Variants in MLLT3 observed in about 807,000 individuals in gnomAD.
The protein encoded by MLLT3 is MLLT3 super elongation complex subunit.
A neutral mutation model predicts 53.2 loss-of-function variants in MLLT3; 4 were observed. The ratio of observed to expected loss-of-function variants is 0.08; its 90% CI spans 0.04 to 0.17. The LOEUF is 0.17. Ranked by LOEUF, MLLT3 falls within the 10% of genes least tolerant of loss-of-function variation. MLLT3 has a pLI of 1.00. For missense variants in MLLT3, 569 were observed against 684.0 expected (o/e 0.83, Z 1.87); for synonymous variants, 283 against 230.6 (o/e 1.23, Z -2.06).
At chr9:20,460,132 T>G (rs1188122232) in intron 2 of MLLT3, among the ~76,000 whole-genome samples, 1 of 152,198 alleles carries the variant, frequency 6.6e-6, no homozygotes, top group Non-Finnish European at 1.5e-5. Flanking sequence ...TTTAAACAAG[T>G]AGAACCATGT....
chr9:20,351,682 T>C (rs1821033401), intron 10 of MLLT3, among the ~76,000 whole-genome samples: 1 of 152,206 alleles, frequency 6.6e-6, no homozygotes, highest in African/African-American at 2.4e-5. Context: ...AGGACCTAGA[T>C]GTGATCCTGG....
chr9:20,498,581 C>A (rs894920218), intron 2 of MLLT3, among the ~76,000 whole-genome samples: 5 of 152,146 alleles, frequency 3.3e-5, no homozygotes, highest in Non-Finnish European at 7.4e-5. Context: ...GCTTTCAATG[C>A]GGCCCAACAC....
chr9:20,471,414 T>G (rs1320379134), intron 2 of MLLT3, among the ~76,000 whole-genome samples: 3 of 152,058 alleles, frequency 2.0e-5, no homozygotes, highest in South Asian at 4.2e-4. Context: ...CTTCCACCTA[T>G]GCGTACTTTC....
chr9:20,373,301 A>G (rs1338890205), intron 5 of MLLT3, among the ~76,000 whole-genome samples: 1 of 152,238 alleles, frequency 6.6e-6, no homozygotes, highest in Non-Finnish European at 1.5e-5. Flanking sequence ...CAATGGGCCT[A>G]CCAGGATTTG....
intron 2 of MLLT3, among the ~76,000 whole-genome samples, chr9:20,467,199 T>C (rs1824258081): frequency 6.6e-6 from 1 of 152,124 alleles, no homozygotes; most frequent in South Asian, 2.1e-4. Flanking sequence ...TAGGTTGGAC[T>C]TGAACTCCTG....
At chr9:20,575,585 T>C (rs1049613818) in intron 2 of MLLT3, among the ~76,000 whole-genome samples, 2 of 152,196 alleles carry the variant, frequency 1.3e-5, no homozygotes, top group Non-Finnish European at 2.9e-5. Context: ...CCAGGCATAA[T>C]AACTACAGTA....
At chr9:20,453,164 G>A (rs1823877740) in intron 3 of MLLT3, among the ~76,000 whole-genome samples, 1 of 152,068 alleles carries the variant, frequency 6.6e-6, no homozygotes, top group Non-Finnish European at 1.5e-5. Flanking sequence ...TTTTAATTAA[G>A]AAATTAGTAA....
intron 2 of MLLT3, among the ~76,000 whole-genome samples, chr9:20,496,205 T>C (rs1371755708): frequency 6.6e-6 from 1 of 152,186 alleles, no homozygotes; most frequent in Non-Finnish European, 1.5e-5. Context: ...CTAAAGTAAA[T>C]TAAATCTTTA....
intron 5 of MLLT3, among the ~76,000 whole-genome samples, chr9:20,386,700 G>A (rs1822046599): frequency 6.6e-6 from 1 of 152,076 alleles, no homozygotes; most frequent in Admixed American, 6.6e-5. Context: ...AAATATTCTA[G>A]ACCCCAAAAA....
chr9:20,590,690 A>C (rs921745062), intron 2 of MLLT3, among the ~76,000 whole-genome samples: 1 of 152,176 alleles, frequency 6.6e-6, no homozygotes, highest in Non-Finnish European at 1.5e-5. Context: ...ACCCAGTCTC[A>C]GGCAGTTCTT....
At chr9:20,418,750 G>A (rs903858425) in intron 4 of MLLT3, among the ~76,000 whole-genome samples, 1 of 152,086 alleles carries the variant, frequency 6.6e-6, no homozygotes, top group Non-Finnish European at 1.5e-5. Flanking sequence ...CCAACAAACT[G>A]GGACGACAGG....
chr9:20,572,807 A>G (rs944248032), intron 2 of MLLT3, among the ~76,000 whole-genome samples: 1 of 152,172 alleles, frequency 6.6e-6, no homozygotes, highest in Non-Finnish European at 1.5e-5. Flanking sequence ...AAATAATAAT[A>G]TATAAATAAG....
rs1821050820 is a variant in MLLT3, at chr9:20,622,478, C to CAGGGT, written c.-223_-222insACCCT. On this transcript the variant is annotated 5_prime_UTR_variant, in exon 1 of 11. Transcript: ENST00000380338. ...GCAAAAGCAGCAGCAGCAGCAGCAGCTCCAGGGTAAAGAAGATGATTGCGG... is the reference window on the plus strand; with the variant it reads ...GCAAAAGCAGCAGCAGCAGCAGCAGCAGGGTTCCAGGGTAAAGAAGATGATTGCGG... 1.9e-6 allele frequency: 1 copy of CAGGGT among 532,876 alleles called. No individual in the cohort carries two copies. The highest frequency in any genetic ancestry group is 2.6e-5 in the South Asian group (1 of 37,992). The allele number at this position is 532,876 out of a possible 1,614,324, so 33.0% of individuals were successfully genotyped here. A position where few individuals can be genotyped will look rare whatever the true frequency, so the allele number is the denominator to read the frequency against.
At chr9:20,534,692 C>T (rs1818433132) in intron 2 of MLLT3, among the ~76,000 whole-genome samples, 1 of 152,074 alleles carries the variant, frequency 6.6e-6, no homozygotes, top group Non-Finnish European at 1.5e-5. Flanking sequence ...CGAGACCATC[C>T]CGGATAACAC....
chr9:20,621,104 G>A lies in MLLT3; in HGVS notation c.13-270C>T, dbSNP rs1820991974. 3 of 586,020 alleles carry A rather than the reference G, an allele frequency of 5.1e-6. No homozygotes were observed. Among genetic ancestry groups the A allele is most frequent in the Non-Finnish European group, 9.2e-6 (3 of 324,422 alleles). 36.3% of individuals were successfully genotyped at this position (586,020 alleles called of 1,614,324 possible). ...ACGGAATGTTATCCCCAGTCGGGAA[G>A]GGGGTCGGGGAAAAGAGGGAGAACA... On this transcript the variant is annotated intron_variant, in intron 1 of 10. Transcript: ENST00000380338. The surrounding 1 kb of genome is among the most constrained non-coding windows in gnomAD (Gnocchi z 7.0).
intron 5 of MLLT3, among the ~76,000 whole-genome samples, chr9:20,406,398 AT>A (rs1237814618): frequency 3.3e-5 from 5 of 152,332 alleles, no homozygotes; most frequent in Admixed American, 3.3e-4. Context: ...CCACATACAT[AT>A]TTTTAAGCGT....
intron 2 of MLLT3, among the ~76,000 whole-genome samples, chr9:20,618,596 T>G (rs181885923): frequency 6.6e-6 from 1 of 152,130 alleles, no homozygotes; most frequent in East Asian, 1.9e-4. Context: ...ACCTCCACAG[T>G]TGAGTATAAA....
intron 8 of MLLT3, among the ~76,000 whole-genome samples, chr9:20,359,334 C>T (rs1821259742): frequency 6.6e-6 from 1 of 152,104 alleles, no homozygotes; most frequent in East Asian, 1.9e-4. Flanking sequence ...AAATGCCTGA[C>T]TTGTGGTGGC....
intron 2 of MLLT3, among the ~76,000 whole-genome samples, chr9:20,608,348 T>A (rs747882086): frequency 6.6e-6 from 1 of 151,880 alleles, no homozygotes; most frequent in East Asian, 1.9e-4. Context: ...ATGTTAATTA[T>A]CAAAGTTATC....
Sources: allele counts gnomAD v4.1 joint callset (sites outside exome capture counted in the v4.1 genomes callset), GRCh38; gene constraint gnomAD v4.1.1; non-coding constraint Gnocchi (gnomAD v3.1); transcripts MANE v1.5; gene names NCBI Gene and HGNC (gene_info 2026-07-23, HGNC 2026-07-21).